Variants in TNPO1 observed in about 807,000 individuals in gnomAD.
The protein encoded by TNPO1 is transportin-1.
TNPO1 carries 8 observed loss-of-function variants against 119.5 expected under a neutral mutation model. The observed-to-expected ratio is 0.07, with a 90% CI of 0.04 to 0.12. The LOEUF (loss-of-function observed/expected upper bound fraction) is 0.12, where lower values mean the gene tolerates loss of function less well. Among genes scored for constraint, TNPO1 ranks in the 10% least tolerant of loss-of-function variants. The probability of loss-of-function intolerance (pLI) is 1.00; values close to 1 mark genes in which losing one functional copy is unlikely to be tolerated. For synonymous variants in TNPO1, 362 were observed against 363.0 expected (o/e 1.00, Z 0.03); for missense variants, 576 against 1,089.8 (o/e 0.53, Z 6.64).
rs1481004620 is a variant in TNPO1 at position 72,888,254 on chromosome 5, C to T, written c.1480C>T (p.Leu494=). The stretch of plus-strand genomic sequence containing the variant: ...CCTGAAGCCATTAATGACAGAATTG[C>T]TAAAGCGCATCCTGGACAGCAACAA... ...TYLKPLMTEL[L]KRILDSNKRV... Residue 494 remains leucine (L), a synonymous_variant, in exon 13 of 25, where the codon CTA becomes TTA. Coordinates refer to ENST00000337273, the MANE Select transcript of TNPO1 (RefSeq NM_002270.4). 2 of 1,614,118 alleles carry T rather than the reference C, an allele frequency of 1.2e-6. No individual in the cohort carries two copies. Among genetic ancestry groups the T allele is most frequent in the African/African-American group, 1.3e-5 (1 of 75,014 alleles).
At chr5:72,838,766 A>G (rs966085674) in intron 1 of TNPO1, among the ~76,000 whole-genome samples, 17 of 152,210 alleles carry the variant, frequency 1.1e-4, no homozygotes, top group Non-Finnish European at 2.4e-4. Context: ...ACTATGAATT[A>G]AAGGAATAGT....
In TNPO1 at chr5:72,887,987, A is replaced by T. The variant is rs1441124578; in HGVS notation, c.1304-91A>T. 7 of 1,246,948 alleles carry T rather than the reference A, an allele frequency of 5.6e-6. No individual in the cohort carries two copies. In the Admixed American group the frequency reaches 6.6e-5, roughly 12 times the overall value. 77.2% of individuals were successfully genotyped at this position (1,246,948 alleles called of 1,614,324 possible). On this transcript the variant is annotated intron_variant, in intron 12 of 24. Transcript: ENST00000337273. ...GTGTATAGCAGTAGAAATATTCTGA[A>T]TTTTTTCATAGATACGTGTTTTATT...
intron 4 of TNPO1, among the ~76,000 whole-genome samples, chr5:72,860,317 A>G (rs1033126523): frequency 2.0e-5 from 3 of 152,248 alleles, no homozygotes. Context: ...TTTGCAGCTT[A>G]GAATGCATAT....
At chr5:72,869,140 A>G (rs1747179199) in intron 6 of TNPO1, among the ~76,000 whole-genome samples, 1 of 152,242 alleles carries the variant, frequency 6.6e-6, no homozygotes. Flanking sequence ...CTCAACTTGA[A>G]AAAAATTTTG....
intron 13 of TNPO1, among the ~76,000 whole-genome samples, chr5:72,889,143 C>T (rs368775987): frequency 1.8e-4 from 27 of 152,166 alleles, no homozygotes; most frequent in Middle Eastern, 3.4e-3. Flanking sequence ...CTGTAACCTC[C>T]GCCTCTCGGG....
Position 72,893,542 on chromosome 5 carries a change from C to CT in TNPO1, c.2055+9dup. On this transcript the variant is annotated splice_region_variant and intron_variant, in intron 17 of 24. Coordinates refer to ENST00000337273, the MANE Select transcript of TNPO1 (RefSeq NM_002270.4). The stretch of plus-strand genomic sequence containing the variant: ...AATGTATCAGTGCATGCAGGTGAGA[C>CT]TTGAAAGGTGAAAATGAATTGAAGC... 6.2e-7 allele frequency: 1 copy of CT among 1,614,124 alleles called. No homozygotes were observed. Among genetic ancestry groups the CT allele is most frequent in the Non-Finnish European group, 8.5e-7 (1 of 1,180,022 alleles).
chr5:72,864,860 C>T (rs1407621249), intron 5 of TNPO1, among the ~76,000 whole-genome samples: 2 of 152,046 alleles, frequency 1.3e-5, no homozygotes, highest in South Asian at 2.1e-4. Context: ...CCACCCGCGT[C>T]GGCCTCCCAA....
At chr5:72,896,869 A>T (rs1016040351) in intron 19 of TNPO1, among the ~76,000 whole-genome samples, 187 bp from the exon 20 acceptor site, 3 of 152,212 alleles carry the variant, frequency 2.0e-5, no homozygotes, top group Non-Finnish European at 2.9e-5. Context: ...CTTTGTCTCA[A>T]AATAAATAAA....
At chr5:72,857,543 C>T (rs1443482663) in intron 4 of TNPO1, among the ~76,000 whole-genome samples, 1 of 152,190 alleles carries the variant, frequency 6.6e-6, no homozygotes, top group Non-Finnish European at 1.5e-5. Context: ...TTTACCTACT[C>T]TTGACACTGT....
At chr5:72,850,115 G>C (rs1193875953) in intron 2 of TNPO1, among the ~76,000 whole-genome samples, 1 of 152,130 alleles carries the variant, frequency 6.6e-6, no homozygotes, top group Non-Finnish European at 1.5e-5. Flanking sequence ...TGCTGTTTCA[G>C]AGTGCCTTAT....
chr5:72,873,408 A>G (rs550430845), intron 7 of TNPO1, among the ~76,000 whole-genome samples: 1 of 152,254 alleles, frequency 6.6e-6, no homozygotes, highest in Admixed American at 6.5e-5. Context: ...TTGGGAAATT[A>G]TAAGGAAGAG....
At chr5:72,898,052 T>A (rs1561357797) in intron 20 of TNPO1, among the ~76,000 whole-genome samples, 1 of 152,280 alleles carries the variant, frequency 6.6e-6, no homozygotes, top group East Asian at 1.9e-4. Context: ...GTTATCTGGC[T>A]GTTTGGCTGT....
intron 1 of TNPO1, among the ~76,000 whole-genome samples, chr5:72,830,536 C>T (rs911993908): frequency 6.6e-6 from 1 of 152,056 alleles, no homozygotes; most frequent in Non-Finnish European, 1.5e-5. Flanking sequence ...TGGTAGTTTC[C>T]AGCTGTGAGA....
chr5:72,827,029 G>A (rs752696397), intron 1 of TNPO1, among the ~76,000 whole-genome samples: 6 of 152,102 alleles, frequency 3.9e-5, no homozygotes, highest in Non-Finnish European at 7.4e-5. Flanking sequence ...GTAAAGGGTA[G>A]GGTAGAGAGA....
At chr5:72,891,680 T>G (rs1749070694) in intron 14 of TNPO1, 130 bp from the exon 15 acceptor site, 1 of 653,928 alleles carries the variant, frequency 1.5e-6, no homozygotes, top group South Asian at 2.0e-5. Context: ...GAGTGAAGAA[T>G]GACTCTTAAA....
intron 1 of TNPO1, among the ~76,000 whole-genome samples, chr5:72,826,976 C>G (rs748861262): frequency 6.6e-6 from 1 of 151,160 alleles, no homozygotes; most frequent in Non-Finnish European, 1.5e-5. Flanking sequence ...TGAGAAAAAA[C>G]AAATACATAT....
chr5:72,826,404 A>G (rs1422603727), intron 1 of TNPO1, among the ~76,000 whole-genome samples: 2 of 152,138 alleles, frequency 1.3e-5, no homozygotes, highest in African/African-American at 4.8e-5. Flanking sequence ...GTGGCCTGCA[A>G]AGCCTAAAAT....
At chr5:72,884,864 G>T (rs189574956) in intron 11 of TNPO1, among the ~76,000 whole-genome samples, 17 of 152,252 alleles carry the variant, frequency 1.1e-4, no homozygotes, top group African/African-American at 3.9e-4. Flanking sequence ...ACCCAAAGAT[G>T]CCAGCAGCAC....
chr5:72,818,483 C>T (rs1358210634), intron 1 of TNPO1, among the ~76,000 whole-genome samples: 1 of 152,100 alleles, frequency 6.6e-6, no homozygotes, highest in Admixed American at 6.6e-5. Flanking sequence ...ATGTAAACAT[C>T]TGTATTTAGA....
Sources: allele counts gnomAD v4.1 joint callset (sites outside exome capture counted in the v4.1 genomes callset), GRCh38; gene constraint gnomAD v4.1.1; transcripts MANE v1.5; gene names NCBI Gene and HGNC (gene_info 2026-07-23, HGNC 2026-07-21).